KCNQ3: variants seen among roughly 807,000 people sequenced by gnomAD.
The protein encoded by KCNQ3 is potassium voltage-gated channel subfamily KQT member 3.
In KCNQ3, 30 loss-of-function variants were observed where a neutral mutation model predicts 92.5. That is an observed-to-expected ratio of 0.32 (90% CI 0.24 to 0.44). The LOEUF (loss-of-function observed/expected upper bound fraction) is 0.44, where lower values mean the gene tolerates loss of function less well. KCNQ3 is among the 20% of genes least tolerant of loss of function. The pLI is 1.00. For synonymous variants in KCNQ3, 450 were observed against 468.8 expected, an observed-to-expected ratio of 0.96 and a Z score of 0.52; for missense variants, 913 against 1,140.3, an observed-to-expected ratio of 0.80 and a Z score of 2.87.
intron 1 of KCNQ3, among the ~76,000 whole-genome samples, chr8:132,253,066 C>T (rs186522282): frequency 8.5e-5 from 13 of 152,300 alleles, no homozygotes; most frequent in Admixed American, 3.3e-4. Flanking sequence ...GATTTTACAA[C>T]GGCACTTCTG....
intron 1 of KCNQ3, among the ~76,000 whole-genome samples, chr8:132,259,771 A>G (rs1815713202): frequency 6.6e-6 from 1 of 152,196 alleles, no homozygotes; most frequent in Non-Finnish European, 1.5e-5. Flanking sequence ...GTCACTAAAA[A>G]ACTATTAGAA....
Position 132,245,184 on chromosome 8 carries a change from A to G in KCNQ3, c.387-59003T>C, listed in dbSNP as rs1351930615. On this transcript the variant is annotated intron_variant, in intron 1 of 14. Coordinates refer to ENST00000388996, the MANE Select transcript of KCNQ3 (RefSeq NM_004519.4). The stretch of plus-strand genomic sequence containing the variant: ...GTCCCTCAGTTCTTTCATTTGCAAA[A>G]CGTGAGAAATACTATCATACTTGCA... 2.0e-5 allele frequency among the ~76,000 whole-genome samples: 3 copies of G among 152,134 alleles called. No individual in the cohort carries two copies. The East Asian group carries it at 5.8e-4, about 29-fold the overall frequency.
rs561431959 is a variant in KCNQ3, at chr8:132,310,421, C to T, written c.387-124240G>A. ...AAGACTCCTCTCACTCCAGTCTCCACGAGGAGTGCAGGAGTGCGGGGCAAA... is the reference window on the plus strand; with the variant it reads ...AAGACTCCTCTCACTCCAGTCTCCATGAGGAGTGCAGGAGTGCGGGGCAAA... On this transcript the variant is annotated intron_variant, in intron 1 of 14. Transcript: ENST00000388996. 6.6e-5 allele frequency among the ~76,000 whole-genome samples: 10 copies of T among 152,328 alleles called. No individual in the cohort carries two copies. The South Asian group carries it at 1.0e-3, about 16-fold the overall frequency.
chr8:132,223,437 G>A (rs1363103869), intron 1 of KCNQ3, among the ~76,000 whole-genome samples: 2 of 152,148 alleles, frequency 1.3e-5, no homozygotes, highest in Admixed American at 6.5e-5. Flanking sequence ...TCAGAGCAGG[G>A]GTAGCTTGGG....
intron 1 of KCNQ3, among the ~76,000 whole-genome samples, chr8:132,325,004 T>C (rs989543883): frequency 3.3e-5 from 5 of 152,188 alleles, no homozygotes; most frequent in African/African-American, 1.2e-4. Context: ...TTTTTTCTTT[T>C]TAAGAAAAAA....
chr8:132,216,785 A>T (rs1005489007), intron 1 of KCNQ3, among the ~76,000 whole-genome samples: 2 of 152,184 alleles, frequency 1.3e-5, no homozygotes, highest in Non-Finnish European at 2.9e-5. Flanking sequence ...GTCCTCTCTG[A>T]CAACACAGAG....
intron 1 of KCNQ3, among the ~76,000 whole-genome samples, chr8:132,420,602 C>T (rs1194105842): frequency 6.6e-6 from 1 of 152,170 alleles, no homozygotes; most frequent in Non-Finnish European, 1.5e-5. Flanking sequence ...TAAGGGAGGT[C>T]ACTGTGGTCA....
intron 1 of KCNQ3, among the ~76,000 whole-genome samples, chr8:132,362,192 G>C (rs998286936): frequency 5.9e-5 from 9 of 151,832 alleles, no homozygotes; most frequent in African/African-American, 1.9e-4. Flanking sequence ...TTTCAAAAGA[G>C]ACCAGTATTA....
intron 9 of KCNQ3, among the ~76,000 whole-genome samples, chr8:132,149,360 C>A (rs747893): frequency 5.9e-4 from 90 of 152,106 alleles, no homozygotes; most frequent in African/African-American, 2.1e-3. Context: ...TAATAGGAAC[C>A]CTTCTCGCTT....
At chr8:132,318,557 T>G (rs750598883) in intron 1 of KCNQ3, among the ~76,000 whole-genome samples, 6 of 152,234 alleles carry the variant, frequency 3.9e-5, no homozygotes, top group African/African-American at 1.4e-4. Flanking sequence ...TTAGCTGTCA[T>G]GTGGTGAGGG....
intron 1 of KCNQ3, among the ~76,000 whole-genome samples, chr8:132,332,398 T>C (rs947908854): frequency 3.3e-5 from 5 of 152,220 alleles, no homozygotes; most frequent in African/African-American, 1.2e-4. Context: ...ATTATTCTCC[T>C]GCAGAAGGCA....
chr8:132,234,037 G>A (rs903099383), intron 1 of KCNQ3, among the ~76,000 whole-genome samples: 8 of 152,202 alleles, frequency 5.3e-5, no homozygotes, highest in Admixed American at 4.6e-4. Context: ...TGGGGCAGTA[G>A]GCGTAAACTA....
chr8:132,383,804 G>A (rs148402416), intron 1 of KCNQ3, among the ~76,000 whole-genome samples: 16 of 152,220 alleles, frequency 1.1e-4, no homozygotes, highest in South Asian at 8.3e-4. Flanking sequence ...AGATCAGATC[G>A]GCCTCTGAGC....
At chr8:132,412,258 T>C (rs1218312713) in intron 1 of KCNQ3, among the ~76,000 whole-genome samples, 5 of 152,136 alleles carry the variant, frequency 3.3e-5, no homozygotes, top group African/African-American at 1.2e-4. Flanking sequence ...ATGCAAACTT[T>C]GTAGCTCCCC....
intron 1 of KCNQ3, among the ~76,000 whole-genome samples, chr8:132,249,129 A>G (rs926906610): frequency 5.3e-5 from 8 of 152,212 alleles, no homozygotes; most frequent in African/African-American, 1.7e-4. Flanking sequence ...TCATAAAGGC[A>G]GTGTGGACCC....
intron 1 of KCNQ3, among the ~76,000 whole-genome samples, chr8:132,191,060 G>A (rs1323942093): frequency 6.6e-6 from 1 of 152,228 alleles, no homozygotes; most frequent in African/African-American, 2.4e-5. Context: ...TTAAAGGCAA[G>A]GGATATAAGG....
At chr8:132,209,073 G>A (rs1460416985) in intron 1 of KCNQ3, among the ~76,000 whole-genome samples, 2 of 152,130 alleles carry the variant, frequency 1.3e-5, no homozygotes, top group African/African-American at 4.8e-5. Context: ...AAGCAGACAG[G>A]CCCCTTCTCA....
chr8:132,364,041 C>A lies in KCNQ3; in HGVS notation c.386+116106G>T, dbSNP rs190776323. On this transcript the variant is annotated intron_variant, in intron 1 of 14. Coordinates refer to ENST00000388996, the MANE Select transcript of KCNQ3 (RefSeq NM_004519.4). ...GCATAATTTACCTCTTCATTTGTGACCCTGATATTTGCAGGAAAATATTGT... is the reference window on the plus strand; with the variant it reads ...GCATAATTTACCTCTTCATTTGTGAACCTGATATTTGCAGGAAAATATTGT... Among the ~76,000 whole-genome samples, 9 of 152,126 alleles carry A rather than the reference C, an allele frequency of 5.9e-5. No individual in the cohort carries two copies. In the East Asian group the frequency reaches 1.6e-3, roughly 26 times the overall value.
chr8:132,365,426 G>GT (rs1340257240), intron 1 of KCNQ3, among the ~76,000 whole-genome samples: 34 of 152,308 alleles, frequency 2.2e-4, no homozygotes, highest in African/African-American at 7.2e-4. Context: ...GCCTGTGCAT[G>GT]TTTTTTCTAT....
Sources: gnomAD v4.1 joint callset for allele counts (sites outside exome capture counted in the v4.1 genomes callset) on GRCh38, gnomAD v4.1.1 for gene constraint, MANE v1.5 for transcripts, NCBI Gene and HGNC (gene_info 2026-07-23, HGNC 2026-07-21) for gene names.